VAT1L: variants seen among roughly 807,000 people sequenced by gnomAD.
VAT1L encodes putative NADPH-dependent quinone oxidoreductase VAT1L.
VAT1L carries 34 observed loss-of-function variants against 44.1 expected under a neutral mutation model. The ratio of observed to expected loss-of-function variants is 0.77; its 90% confidence interval spans 0.59 to 1.03. VAT1L has a LOEUF of 1.03. Ranked by LOEUF, VAT1L falls within the 50% of genes least tolerant of loss-of-function variation. The pLI is 0.00. For synonymous variants in VAT1L, 253 were observed against 202.2 expected, an observed-to-expected ratio of 1.25 and a Z score of -2.13; for missense variants, 615 against 538.8, an observed-to-expected ratio of 1.14 and a Z score of -1.40.
intron 7 of VAT1L, among the ~76,000 whole-genome samples, chr16:77,929,416 G>A (rs2017704163): frequency 6.6e-6 from 1 of 152,130 alleles, no homozygotes. Context: ...GGAGTTTCAA[G>A]ACAAGCTGAA....
At chr16:77,859,746 G>C (rs554995716) in intron 3 of VAT1L, among the ~76,000 whole-genome samples, 2 of 152,188 alleles carry the variant, frequency 1.3e-5, no homozygotes, top group Non-Finnish European at 2.9e-5. Context: ...TAGGGACGTG[G>C]GGTTGAGGGA....
In VAT1L at chr16:77,924,781, C is replaced by T. The variant is rs147937963; in HGVS notation, c.1077+39979C>T. ...GCCCATTTACCCTTATTTTCATATCCCCTCAACCCAGACTCCAAGACCTTC... is the reference window on the plus strand; with the variant it reads ...GCCCATTTACCCTTATTTTCATATCTCCTCAACCCAGACTCCAAGACCTTC... On this transcript the variant is annotated intron_variant, in intron 7 of 8. Transcript: ENST00000302536. Among the ~76,000 whole-genome samples the T allele has an allele frequency of 4.1e-3, 627 of 152,074 alleles. 5 individuals are homozygous for T. The highest frequency in any genetic ancestry group is 0.014 in the African/African-American group (597 of 41,488).
intron 7 of VAT1L, among the ~76,000 whole-genome samples, chr16:77,930,751 T>C (rs537613894): frequency 6.6e-6 from 1 of 152,268 alleles, no homozygotes; most frequent in South Asian, 2.1e-4. Flanking sequence ...TGCTCCAACA[T>C]GCAGAGTTGT....
At chr16:77,799,500 A>C (rs929042176) in intron 1 of VAT1L, among the ~76,000 whole-genome samples, 6 of 140,172 alleles carry the variant, frequency 4.3e-5, no homozygotes, top group Admixed American at 3.8e-4. Context: ...CCACTGGAAT[A>C]CATGGTGTGT....
intron 4 of VAT1L, among the ~76,000 whole-genome samples, chr16:77,870,010 G>C (rs1388209569): frequency 6.6e-6 from 1 of 152,156 alleles, no homozygotes; most frequent in Non-Finnish European, 1.5e-5. Flanking sequence ...CTAATCACCT[G>C]GAAAGAATAG....
chr16:77,889,838 G>A (rs1331919942), intron 7 of VAT1L, among the ~76,000 whole-genome samples: 1 of 152,180 alleles, frequency 6.6e-6, no homozygotes, highest in African/African-American at 2.4e-5. Flanking sequence ...TGTAATCCCA[G>A]CACTTTGGGA....
At chr16:77,942,351 C>T (rs1359693348) in intron 7 of VAT1L, among the ~76,000 whole-genome samples, 1 of 152,156 alleles carries the variant, frequency 6.6e-6, no homozygotes, top group Non-Finnish European at 1.5e-5. Context: ...CCCTGGTTCC[C>T]TCCCACGATA....
chr16:77,977,217 G>T (rs569092845), intron 8 of VAT1L, among the ~76,000 whole-genome samples: 1 of 152,276 alleles, frequency 6.6e-6, no homozygotes, highest in East Asian at 1.9e-4. Flanking sequence ...TCCTCCCTCA[G>T]AAGAGACAGC....
intron 1 of VAT1L, among the ~76,000 whole-genome samples, chr16:77,802,965 G>A (rs2016090873): frequency 6.6e-6 from 1 of 152,154 alleles, no homozygotes; most frequent in Admixed American, 6.5e-5. Flanking sequence ...AGGGCCGGCA[G>A]CCCAGCAATG....
intron 4 of VAT1L, among the ~76,000 whole-genome samples, chr16:77,865,855 G>T (rs2016968520): frequency 6.6e-6 from 1 of 152,140 alleles, no homozygotes; most frequent in Admixed American, 6.5e-5. Context: ...AAAAGTAATA[G>T]CCCATAACCA....
At chr16:77,831,365 C>T (rs1241784244) in intron 3 of VAT1L, among the ~76,000 whole-genome samples, 2 of 152,140 alleles carry the variant, frequency 1.3e-5, no homozygotes, top group African/African-American at 4.8e-5. Context: ...TCTTTATATT[C>T]ATAGTACTGG....
intron 8 of VAT1L, among the ~76,000 whole-genome samples, chr16:77,976,229 T>C (rs1597130487): frequency 6.6e-6 from 1 of 152,166 alleles, no homozygotes; most frequent in South Asian, 2.1e-4. Context: ...CAATGAGCCA[T>C]TCATATAAAT....
At chr16:77,963,212 C>G (rs1480328045) in intron 7 of VAT1L, among the ~76,000 whole-genome samples, 1 of 152,084 alleles carries the variant, frequency 6.6e-6, no homozygotes, top group African/African-American at 2.4e-5. Flanking sequence ...GAATCTGGTA[C>G]CTCACATGGA....
chr16:77,819,684 G>A (rs1338058144), intron 2 of VAT1L, among the ~76,000 whole-genome samples: 1 of 152,190 alleles, frequency 6.6e-6, no homozygotes, highest in Non-Finnish European at 1.5e-5. Flanking sequence ...CGCCCAGCCT[G>A]AAGATGATAT....
At chr16:77,850,173 T>C (rs1053492268) in intron 3 of VAT1L, among the ~76,000 whole-genome samples, 1 of 152,160 alleles carries the variant, frequency 6.6e-6, no homozygotes, top group Admixed American at 6.5e-5. Flanking sequence ...GTGTGTAGGG[T>C]ACAGGCATTG....
intron 7 of VAT1L, among the ~76,000 whole-genome samples, chr16:77,915,758 G>C (rs1477124462): frequency 6.6e-6 from 1 of 152,226 alleles, no homozygotes; most frequent in East Asian, 1.9e-4. Context: ...GACGGAGCCA[G>C]ATAGAGGGTC....
chr16:77,913,182 T>C (rs1324047180), intron 7 of VAT1L, among the ~76,000 whole-genome samples: 3 of 152,234 alleles, frequency 2.0e-5, no homozygotes, highest in Non-Finnish European at 4.4e-5. Flanking sequence ...TTTAATTTCA[T>C]TTGAAAGTAA....
chr16:77,930,906 C>T (rs1166097313), intron 7 of VAT1L, among the ~76,000 whole-genome samples: 2 of 152,312 alleles, frequency 1.3e-5, no homozygotes, highest in East Asian at 3.9e-4. Context: ...ACACAACATT[C>T]AACATAATTC....
At chr16:77,835,762 A>G (rs962782098) in intron 3 of VAT1L, among the ~76,000 whole-genome samples, 1 of 151,980 alleles carries the variant, frequency 6.6e-6, no homozygotes, top group Non-Finnish European at 1.5e-5. Context: ...AATCCCAGCT[A>G]CTCAGGAGGC....
Sources: allele counts gnomAD v4.1 joint callset (sites outside exome capture counted in the v4.1 genomes callset), GRCh38; gene constraint gnomAD v4.1.1; transcripts MANE v1.5; gene names NCBI Gene and HGNC (gene_info 2026-07-23, HGNC 2026-07-21).